Variants in C6orf89 observed in about 807,000 individuals in gnomAD.
C6orf89 encodes the protein chromosome 6 open reading frame 89.
In C6orf89, 29 loss-of-function variants were observed where a neutral mutation model predicts 40.7. The observed-to-expected ratio is 0.71, with a 90% CI of 0.53 to 0.97. The LOEUF (loss-of-function observed/expected upper bound fraction) is 0.97, where lower values mean the gene tolerates loss of function less well. C6orf89 is among the 50% of genes least tolerant of loss of function. The pLI is 0.00. For missense variants in C6orf89, 392 were observed against 429.1 expected, an observed-to-expected ratio of 0.91 and a Z score of 0.76; for synonymous variants, 165 against 152.2, an observed-to-expected ratio of 1.08 and a Z score of -0.62.
intron 8 of C6orf89, among the ~76,000 whole-genome samples, chr6:36,920,794 A>G (rs1016844427): frequency 1.3e-5 from 2 of 152,168 alleles, no homozygotes; most frequent in African/African-American, 2.4e-5. Context: ...AGAGATGACT[A>G]TTGCGAAAAT....
intron 4 of C6orf89, among the ~76,000 whole-genome samples, chr6:36,909,743 A>T (rs1200131894): frequency 1.3e-5 from 2 of 150,098 alleles, no homozygotes; most frequent in African/African-American, 4.9e-5. Flanking sequence ...TGATTGTACC[A>T]CTGCACTTCA....
chr6:36,905,233 A>G (rs1761885848), intron 4 of C6orf89, among the ~76,000 whole-genome samples: 1 of 152,160 alleles, frequency 6.6e-6, no homozygotes, highest in Non-Finnish European at 1.5e-5. Flanking sequence ...CAGTATGGTT[A>G]GGTCACTTGC....
upstream of C6orf89, among the ~76,000 whole-genome samples, chr6:36,882,293 A>G (rs984407930): frequency 3.9e-5 from 6 of 152,284 alleles, no homozygotes; most frequent in Non-Finnish European, 7.3e-5. Context: ...ATCAAGCTCT[A>G]GATTATCATG....
rs1436189248 is a variant in C6orf89 at position 36,927,843 on chromosome 6, ACC to A, written c.*4406_*4407del. ...CAGCAGGCATTTCCCTGTCCTCCCC[ACC>A]CCCAGTCTCCACATCCCCAGCAGCC... On this transcript the variant is annotated 3_prime_UTR_variant, in exon 9 of 9. Transcript: ENST00000480824. 6.6e-6 allele frequency: 1 copy of A among 152,048 alleles called. No individual in the cohort carries two copies. The highest frequency in any genetic ancestry group is 6.6e-5 in the Admixed American group (1 of 15,248). 9.4% of individuals were successfully genotyped at this position (152,048 alleles called of 1,614,324 possible). A position where few individuals can be genotyped will look rare whatever the true frequency, so the allele number is the denominator to read the frequency against.
At chr6:36,878,839 T>A (rs926369445) in intron 1 of C6orf89, among the ~76,000 whole-genome samples, 3 of 152,228 alleles carry the variant, frequency 2.0e-5, no homozygotes, top group Non-Finnish European at 4.4e-5. Flanking sequence ...TCACTTCCTA[T>A]TGCTGTACGT....
At chr6:36,900,346 C>A (rs1761625223) in intron 3 of C6orf89, among the ~76,000 whole-genome samples, 1 of 150,386 alleles carries the variant, frequency 6.6e-6, no homozygotes, top group Non-Finnish European at 1.5e-5. Context: ...GGATTACAGC[C>A]ATGTGCCACC....
At chr6:36,913,079 C>T (rs76554714) in intron 4 of C6orf89, among the ~76,000 whole-genome samples, 2 of 152,146 alleles carry the variant, frequency 1.3e-5, no homozygotes, top group Admixed American at 1.3e-4. Flanking sequence ...ACACATCTCT[C>T]AGAGAACCTA....
chr6:36,898,150 A>G (rs1047947173), intron 2 of C6orf89, among the ~76,000 whole-genome samples: 1 of 151,644 alleles, frequency 6.6e-6, no homozygotes. Flanking sequence ...TGGTATGATC[A>G]TAGCTCACTG....
chr6:36,900,207 T>G (rs34438931), intron 3 of C6orf89, among the ~76,000 whole-genome samples: 1 of 149,650 alleles, frequency 6.7e-6, no homozygotes. Context: ...TTTTTTTTTG[T>G]TGTTTTTTTT....
At chr6:36,920,576 G>A (rs1016578059) in intron 8 of C6orf89, among the ~76,000 whole-genome samples, 4 of 152,066 alleles carry the variant, frequency 2.6e-5, no homozygotes, top group African/African-American at 9.7e-5. Flanking sequence ...GGTAGGAATT[G>A]GACTGCAAGC....
intron 3 of C6orf89, among the ~76,000 whole-genome samples, chr6:36,901,333 T>C: frequency 1.9e-5 from 1 of 53,348 alleles, no homozygotes; most frequent in East Asian, 7.7e-4. Context: ...TTTTTTTTTT[T>C]TTTTTTTTTT....
At chr6:36,880,978 G>T (rs535772138), upstream of C6orf89, among the ~76,000 whole-genome samples, 1 of 152,294 alleles carries the variant, frequency 6.6e-6, no homozygotes, top group African/African-American at 2.4e-5. Context: ...CCTCCTAAAT[G>T]CTTCATAAAA....
At position 36,923,855 on chromosome 6, in the gene C6orf89, G is replaced by T; in HGVS notation, c.*414G>T. ...GTCAGAGCCATCCTTTACCAGGTGGGCCTGCTTGTCCCTGTCTTGCCTGCC... is the reference window on the plus strand; with the variant it reads ...GTCAGAGCCATCCTTTACCAGGTGGTCCTGCTTGTCCCTGTCTTGCCTGCC... On this transcript the variant is annotated 3_prime_UTR_variant, in exon 9 of 9. Coordinates refer to ENST00000480824, the MANE Select transcript of C6orf89 (RefSeq NM_001286635.2). 3.6e-6 allele frequency: 1 copy of T among 279,660 alleles called. No individual in the cohort carries two copies. The highest frequency in any genetic ancestry group is 7.0e-6 in the Non-Finnish European group (1 of 141,894). 17.3% of individuals were successfully genotyped at this position (279,660 alleles called of 1,614,324 possible). A position where few individuals can be genotyped will look rare whatever the true frequency, so the allele number is the denominator to read the frequency against.
chr6:36,899,528 T>C lies in C6orf89; in HGVS notation c.84T>C (p.Cys28=), dbSNP rs1761579647. The C allele has an allele frequency of 6.2e-7, 1 of 1,614,008 alleles. No individual in the cohort carries two copies. The highest frequency in any genetic ancestry group is 8.5e-7 in the Non-Finnish European group (1 of 1,180,026). ...TGGTGAGACAGACCGGCCATCAGTGTGGCATGTCAGAGAAGGCAATTGAAA... is the reference window on the plus strand; with the variant it reads ...TGGTGAGACAGACCGGCCATCAGTGCGGCATGTCAGAGAAGGCAATTGAAA... The part of the protein sequence containing the change: ...VDLVRQTGHQ[C]GMSEKAIEKF... Residue 28 remains cysteine, a synonymous_variant, in exon 3 of 9, where the codon TGT becomes TGC. Transcript: ENST00000480824.
intron 6 of C6orf89, 118 bp from the exon 7 acceptor site, chr6:36,916,327 T>G: frequency 9.1e-7 from 1 of 1,101,880 alleles, no homozygotes; most frequent in Non-Finnish European, 1.3e-6. Flanking sequence ...GATACTGTAC[T>G]CATATTTTTC....
Position 36,923,699 on chromosome 6 carries a change from C to A in C6orf89, c.*258C>A. The A allele has an allele frequency of 2.1e-6, 1 of 468,540 alleles. No homozygotes were observed. Among genetic ancestry groups the A allele is most frequent in the Admixed American group, 3.0e-5 (1 of 33,002 alleles). The allele number at this position is 468,540 out of a possible 1,614,324, so 29.0% of individuals were successfully genotyped here. A position where few individuals can be genotyped will look rare whatever the true frequency, so the allele number is the denominator to read the frequency against. On this transcript the variant is annotated 3_prime_UTR_variant, in exon 9 of 9. Transcript: ENST00000480824. ...TCTGCCAGCACCCATCTGAGACTGA[C>A]CTCTTCCGGGCCTTTGGACACTATG...
chr6:36,913,883 G>A (rs775624026), intron 4 of C6orf89, among the ~76,000 whole-genome samples: 53 of 152,210 alleles, frequency 3.5e-4, no homozygotes, highest in South Asian at 4.1e-4. Context: ...ATTATGGGCT[G>A]GATGCGGTGG....
At chr6:36,900,226 G>A (rs1761618600) in intron 3 of C6orf89, among the ~76,000 whole-genome samples, 4 of 145,942 alleles carry the variant, frequency 2.7e-5, no homozygotes. Flanking sequence ...TTTTGAGATG[G>A]AGTCACACTC....
Position 36,914,437 on chromosome 6 carries a change from T to C in C6orf89, c.555+2T>C. On this transcript the variant is annotated splice_donor_variant, in intron 5 of 8. Coordinates refer to ENST00000480824, the MANE Select transcript of C6orf89 (RefSeq NM_001286635.2). LOFTEE classifies it high-confidence loss of function. ...AGGCTCCATCCACTGGTGATCAAGGTGAGCAGAAGCCTGAGTCTCCCGCTG... is the reference window on the plus strand; with the variant it reads ...AGGCTCCATCCACTGGTGATCAAGGCGAGCAGAAGCCTGAGTCTCCCGCTG... 1.2e-6 allele frequency: 2 copies of C among 1,614,128 alleles called. No individual in the cohort carries two copies. Among genetic ancestry groups the C allele is most frequent in the Middle Eastern group, 1.6e-4 (1 of 6,062 alleles).
Sources: allele counts gnomAD v4.1 joint callset (sites outside exome capture counted in the v4.1 genomes callset), GRCh38; gene constraint gnomAD v4.1.1; transcripts MANE v1.5; gene names NCBI Gene and HGNC (gene_info 2026-07-23, HGNC 2026-07-21).